The following LOXL2 variants were observed in gnomAD, a reference collection of about 807,000 sequenced individuals.
The protein encoded by LOXL2 is lysyl oxidase homolog 2.
A neutral mutation model predicts 93.0 loss-of-function variants in LOXL2; 70 were observed. The observed-to-expected ratio is 0.75, with a 90% CI of 0.62 to 0.92. The LOEUF is 0.92. Among genes scored for constraint, LOXL2 ranks in the 40% least tolerant of loss-of-function variants. The probability of loss-of-function intolerance (pLI) is 0.00; values close to 1 mark genes in which losing one functional copy is unlikely to be tolerated. For missense variants in LOXL2, 973 were observed against 1,054.9 expected, an observed-to-expected ratio of 0.92 and a Z score of 1.08; for synonymous variants, 438 against 413.2, an observed-to-expected ratio of 1.06 and a Z score of -0.73.
At chr8:23,345,234 C>T (rs10106644) in intron 3 of LOXL2, among the ~76,000 whole-genome samples, 14,736 of 152,268 alleles carry the variant, frequency 0.097, 1,120 homozygotes, top group African/African-American at 0.21. Context: ...CCCCCAAACC[C>T]GTGCTCCAGG....
At chr8:23,349,611 G>A (rs1804057562) in intron 3 of LOXL2, among the ~76,000 whole-genome samples, 1 of 151,440 alleles carries the variant, frequency 6.6e-6, no homozygotes, top group Admixed American at 6.6e-5. Context: ...CTCCAGCACT[G>A]GCATTCTGGT....
intron 1 of LOXL2, among the ~76,000 whole-genome samples, chr8:23,387,956 A>G (rs973558620): frequency 4.6e-5 from 7 of 152,228 alleles, no homozygotes; most frequent in African/African-American, 1.7e-4. Flanking sequence ...TCTCAAACAA[A>G]CAAACAAAAA....
At chr8:23,304,619 C>T (rs936510788) in intron 10 of LOXL2, among the ~76,000 whole-genome samples, 2 of 152,130 alleles carry the variant, frequency 1.3e-5, no homozygotes, top group African/African-American at 2.4e-5. Context: ...TGCCCGCTCT[C>T]GGGGCCGCAA....
rs111359239 is a variant in LOXL2, at chr8:23,344,505, T to C, written c.532-3302A>G. ...GCACGGGGGTATATGCATGATGGTGTGTTTCTGAGTGTCTGCATGTCCATG... is the reference window on the plus strand; with the variant it reads ...GCACGGGGGTATATGCATGATGGTGCGTTTCTGAGTGTCTGCATGTCCATG... On this transcript the variant is annotated intron_variant, in intron 3 of 13. Coordinates refer to ENST00000389131, the MANE Select transcript of LOXL2 (RefSeq NM_002318.3). Among the ~76,000 whole-genome samples the C allele has an allele frequency of 1.7e-3, 261 of 152,076 alleles. 3 individuals are homozygous for C. Among genetic ancestry groups the C allele is most frequent in the African/African-American group, 6.1e-3 (253 of 41,468 alleles).
intron 4 of LOXL2, among the ~76,000 whole-genome samples, chr8:23,333,962 TCCCTG>T (rs1803748360): frequency 4.6e-5 from 7 of 152,136 alleles, no homozygotes. Flanking sequence ...ACAGGTGAGA[TCCCTG>T]GTCCTAGAAA....
At chr8:23,384,632 C>T (rs1013746305) in intron 1 of LOXL2, among the ~76,000 whole-genome samples, 5 of 152,120 alleles carry the variant, frequency 3.3e-5, no homozygotes, top group South Asian at 4.1e-4. Context: ...AAGGCTCCAG[C>T]GGCCGGGCGT....
At chr8:23,346,394 C>T (rs1243893420) in intron 3 of LOXL2, among the ~76,000 whole-genome samples, 1 of 152,008 alleles carries the variant, frequency 6.6e-6, no homozygotes, top group African/African-American at 2.4e-5. Context: ...CCTCAGAGCT[C>T]ATCACATCCT....
intron 13 of LOXL2, 26 bp from the exon 14 acceptor site, chr8:23,298,148 G>T: frequency 6.3e-7 from 1 of 1,590,426 alleles, no homozygotes; most frequent in Non-Finnish European, 8.6e-7. Flanking sequence ...CGGGTAGAGA[G>T]AGTGGACAAA....
At chr8:23,332,312 CCCCCTACACACATACACA>C in intron 5 of LOXL2, among the ~76,000 whole-genome samples, 1 of 116,826 alleles carries the variant, frequency 8.6e-6, no homozygotes, top group Admixed American at 9.0e-5. Context: ...CTCATACACA[CCCCCTACACACATACACA>C]ACCCCCACAT....
intron 3 of LOXL2, among the ~76,000 whole-genome samples, chr8:23,354,664 G>A (rs112180524): frequency 3.3e-5 from 5 of 151,400 alleles, no homozygotes; most frequent in African/African-American, 1.2e-4. Context: ...TATCCAGCTG[G>A]GCACACACTA....
chr8:23,328,140 A>C (rs1803613161), intron 6 of LOXL2, among the ~76,000 whole-genome samples: 1 of 151,968 alleles, frequency 6.6e-6, no homozygotes, highest in Admixed American at 6.5e-5. Context: ...ATGTTATCTC[A>C]CCTTGGATGT....
chr8:23,303,471 C>T (rs1168839522), intron 10 of LOXL2, 74 bp from the exon 11 acceptor site: 5 of 859,080 alleles, frequency 5.8e-6, no homozygotes, highest in South Asian at 5.6e-5. Context: ...GCCTGGCTGG[C>T]GATTTGCCTC....
Position 23,310,172 on chromosome 8 carries a change from C to A in LOXL2, c.1637-261G>T, listed in dbSNP as rs17688580. 0.029 allele frequency among the ~76,000 whole-genome samples: 4,385 copies of A among 152,290 alleles called. 112 individuals carry two copies. The highest frequency in any genetic ancestry group is 0.037 in the Middle Eastern group (11 of 294). ...ATCTCACACACCTGGTCCTAGGCTA[C>A]GAGCGAAGCACAGATCATGGTACGT... On this transcript the variant is annotated intron_variant, in intron 9 of 13. Transcript: ENST00000389131.
intron 1 of LOXL2, among the ~76,000 whole-genome samples, chr8:23,376,547 C>T (rs1011487638): frequency 3.7e-4 from 57 of 152,224 alleles, no homozygotes; most frequent in East Asian, 1.9e-3. Context: ...TGGTAGAATT[C>T]GGCTGCGAAT....
intron 1 of LOXL2, among the ~76,000 whole-genome samples, chr8:23,381,745 T>C (rs1307229887): frequency 6.6e-6 from 1 of 152,264 alleles, no homozygotes; most frequent in Admixed American, 6.5e-5. Context: ...CCAGGCTTTC[T>C]GGGTGACCGC....
intron 1 of LOXL2, among the ~76,000 whole-genome samples, chr8:23,403,351 C>T (rs1454622630): frequency 6.6e-6 from 1 of 152,182 alleles, no homozygotes; most frequent in Non-Finnish European, 1.5e-5. Flanking sequence ...AGCGCCTCTG[C>T]TCCCGCAGGA....
At chr8:23,329,519 ATC>A (rs1803639259) in intron 5 of LOXL2, among the ~76,000 whole-genome samples, 1 of 150,528 alleles carries the variant, frequency 6.6e-6, no homozygotes, top group South Asian at 2.1e-4. Context: ...CCAGGTTTGC[ATC>A]TGTTTCTCTG....
chr8:23,381,924 T>A (rs1220381697), intron 1 of LOXL2, among the ~76,000 whole-genome samples: 11 of 152,336 alleles, frequency 7.2e-5, no homozygotes, highest in African/African-American at 2.6e-4. Context: ...GCACGTTAGC[T>A]GCTTAATCAA....
chr8:23,399,176 C>A (rs1163172610), intron 1 of LOXL2, among the ~76,000 whole-genome samples: 5 of 152,206 alleles, frequency 3.3e-5, no homozygotes, highest in Non-Finnish European at 1.5e-5. Flanking sequence ...GCCACTTCAT[C>A]TGAGGCCTCA....
Sources: gnomAD v4.1 joint callset for allele counts (sites outside exome capture counted in the v4.1 genomes callset) on GRCh38, gnomAD v4.1.1 for gene constraint, MANE v1.5 for transcripts, NCBI Gene and HGNC (gene_info 2026-07-23, HGNC 2026-07-21) for gene names.